The following MCTP1 variants were observed in gnomAD, a reference collection of about 807,000 sequenced individuals.
MCTP1 encodes the protein multiple C2 and transmembrane domain-containing protein 1.
Under a neutral mutation model 120.6 loss-of-function variants are expected in MCTP1, and 69 were observed. That is an observed-to-expected ratio of 0.57 (90% CI 0.47 to 0.70). The LOEUF (loss-of-function observed/expected upper bound fraction) is 0.70. Among genes scored for constraint, MCTP1 ranks in the 30% least tolerant of loss-of-function variants. The probability of loss-of-function intolerance (pLI) is 0.00; values close to 1 mark genes in which losing one functional copy is unlikely to be tolerated. For synonymous variants in MCTP1, 529 were observed against 493.1 expected (o/e 1.07, Z -0.96); for missense variants, 1,203 against 1,248.8 (o/e 0.96, Z 0.55).
intron 1 of MCTP1, among the ~76,000 whole-genome samples, chr5:95,104,973 CT>C (rs1369311267): frequency 5.9e-5 from 9 of 152,162 alleles, no homozygotes; most frequent in African/African-American, 2.2e-4. Context: ...ATTATCTGTT[CT>C]GTAAAAAATT....
chr5:95,056,441 G>A lies in MCTP1; in HGVS notation c.721-38957C>T, dbSNP rs184602121. Among the ~76,000 whole-genome samples the A allele has an allele frequency of 5.9e-3, 899 of 152,208 alleles. 28 individuals carry two copies. The highest frequency in any genetic ancestry group is 0.052 in the Admixed American group (793 of 15,290). On this transcript the variant is annotated intron_variant, in intron 1 of 22. Coordinates refer to ENST00000515393, the MANE Select transcript of MCTP1 (RefSeq NM_024717.7). Reference sequence around the variant, plus strand: ...TTGCTTATCTACCTAAGATTTACAAGTATATAATCTAGGTAAAATGTATGC... The same window carrying A: ...TTGCTTATCTACCTAAGATTTACAAATATATAATCTAGGTAAAATGTATGC...
intron 1 of MCTP1, among the ~76,000 whole-genome samples, chr5:95,097,437 C>T (rs1423841282): frequency 6.6e-6 from 1 of 152,148 alleles, no homozygotes; most frequent in Non-Finnish European, 1.5e-5. Flanking sequence ...ATGCAAGGGC[C>T]TTGGGATAGG....
intron 19 of MCTP1, among the ~76,000 whole-genome samples, chr5:94,736,585 T>C (rs985740700): frequency 2.0e-5 from 3 of 152,214 alleles, no homozygotes; most frequent in Non-Finnish European, 1.5e-5. Flanking sequence ...GAGAACTTAG[T>C]GTAACCAAAA....
intron 8 of MCTP1, among the ~76,000 whole-genome samples, chr5:94,913,336 C>T (rs1228507949): frequency 6.6e-6 from 1 of 152,030 alleles, no homozygotes; most frequent in African/African-American, 2.4e-5. Flanking sequence ...TCAAAGGCCT[C>T]GTTCATACTG....
chr5:95,042,917 C>A (rs914065896), intron 1 of MCTP1, among the ~76,000 whole-genome samples: 14 of 152,074 alleles, frequency 9.2e-5, no homozygotes, highest in Non-Finnish European at 1.3e-4. Flanking sequence ...GTCCCCCCAC[C>A]CCTTTTATAC....
At chr5:95,006,585 C>T (rs753356533) in intron 2 of MCTP1, among the ~76,000 whole-genome samples, 16 of 152,254 alleles carry the variant, frequency 1.1e-4, no homozygotes, top group Non-Finnish European at 2.2e-4. Context: ...GATTGACTAG[C>T]AACATGTTCA....
chr5:95,149,190 C>T (rs1760675328), intron 1 of MCTP1, among the ~76,000 whole-genome samples: 1 of 152,184 alleles, frequency 6.6e-6, no homozygotes, highest in Admixed American at 6.5e-5. Context: ...GTGTTATAGG[C>T]TTAGGACTCC....
intron 19 of MCTP1, among the ~76,000 whole-genome samples, chr5:94,729,461 G>C (rs1231113335): frequency 1.3e-5 from 2 of 152,196 alleles, no homozygotes; most frequent in Non-Finnish European, 2.9e-5. Flanking sequence ...AAACCAGAGA[G>C]ACATATCAAG....
At chr5:95,280,341 T>G (rs1355662782) in intron 1 of MCTP1, among the ~76,000 whole-genome samples, 1 of 152,214 alleles carries the variant, frequency 6.6e-6, no homozygotes, top group African/African-American at 2.4e-5. Flanking sequence ...TGAAAGCAAT[T>G]TTAACAAAAT....
chr5:95,259,522 C>CA (rs1758256778), intron 1 of MCTP1, among the ~76,000 whole-genome samples: 1 of 152,168 alleles, frequency 6.6e-6, no homozygotes, highest in Non-Finnish European at 1.5e-5. Context: ...TACTCGAAAT[C>CA]AACAACATTG....
chr5:94,910,673 G>A (rs1808315712), intron 9 of MCTP1, among the ~76,000 whole-genome samples: 1 of 152,064 alleles, frequency 6.6e-6, no homozygotes, highest in Middle Eastern at 3.4e-3. Context: ...TACCTAAAGA[G>A]CAGAACTATA....
chr5:94,953,446 T>C (rs1821147598), intron 2 of MCTP1, 85 bp from the exon 3 acceptor site: 3 of 1,098,496 alleles, frequency 2.7e-6, no homozygotes, highest in Non-Finnish European at 3.7e-6. Flanking sequence ...CAAAAAGTAT[T>C]TAAAGGAAGA....
chr5:94,716,814 T>TA (rs1392895948), intron 19 of MCTP1, among the ~76,000 whole-genome samples: 1 of 152,092 alleles, frequency 6.6e-6, no homozygotes, highest in Non-Finnish European at 1.5e-5. Flanking sequence ...TCCTAATGTT[T>TA]AGAGTGGAGA....
chr5:94,811,746 A>G (rs1045817844), intron 17 of MCTP1, among the ~76,000 whole-genome samples: 2 of 152,202 alleles, frequency 1.3e-5, no homozygotes, highest in African/African-American at 4.8e-5. Flanking sequence ...ACTGTTAGAA[A>G]TACAAAAACC....
intron 1 of MCTP1, among the ~76,000 whole-genome samples, chr5:95,258,851 G>A (rs1758164560): frequency 6.6e-6 from 1 of 152,144 alleles, no homozygotes; most frequent in African/African-American, 2.4e-5. Flanking sequence ...TACAGAACTG[G>A]GGGATTCAGA....
intron 7 of MCTP1, among the ~76,000 whole-genome samples, chr5:94,922,239 A>C (rs550565476): frequency 6.6e-6 from 1 of 152,370 alleles, no homozygotes; most frequent in Non-Finnish European, 1.5e-5. Flanking sequence ...GAGAAAGGTT[A>C]TTAAAGAATA....
intron 1 of MCTP1, among the ~76,000 whole-genome samples, chr5:95,217,030 G>A (rs1255317227): frequency 2.0e-5 from 3 of 152,034 alleles, no homozygotes; most frequent in African/African-American, 7.2e-5. Flanking sequence ...CAGCCCTAGT[G>A]GAATCCACAA....
intron 17 of MCTP1, among the ~76,000 whole-genome samples, chr5:94,838,960 GA>G (rs1261226012): frequency 6.6e-6 from 1 of 152,164 alleles, no homozygotes; most frequent in African/African-American, 2.4e-5. Context: ...TGCGATTAAA[GA>G]CCACATTCCA....
chr5:95,239,735 G>A (rs947436743), intron 1 of MCTP1, among the ~76,000 whole-genome samples: 12 of 152,174 alleles, frequency 7.9e-5, no homozygotes, highest in Admixed American at 5.9e-4. Context: ...AAAGGACTGA[G>A]AGGGTGGAAA....
Sources: gnomAD v4.1 joint callset for allele counts (sites outside exome capture counted in the v4.1 genomes callset) on GRCh38, gnomAD v4.1.1 for gene constraint, MANE v1.5 for transcripts, NCBI Gene and HGNC (gene_info 2026-07-23, HGNC 2026-07-21) for gene names.